The following AGPS variants were observed in gnomAD, a reference collection of about 807,000 sequenced individuals.
The protein encoded by AGPS is alkyldihydroxyacetonephosphate synthase, peroxisomal.
In AGPS, 26 loss-of-function variants were observed where a neutral mutation model predicts 90.7. The observed-to-expected ratio is 0.29, with a 90% CI of 0.21 to 0.40. AGPS has a LOEUF of 0.40. Among genes scored for constraint, AGPS ranks in the 10% least tolerant of loss-of-function variants. The probability of loss-of-function intolerance (pLI) is 1.00; values close to 1 mark genes in which losing one functional copy is unlikely to be tolerated. For synonymous variants in AGPS, 294 were observed against 285.3 expected, an observed-to-expected ratio of 1.03 and a Z score of -0.31; for missense variants, 540 against 816.1, an observed-to-expected ratio of 0.66 and a Z score of 4.12.
rs191400033 is a variant in AGPS at position 177,488,611 on chromosome 2, G to T, written c.1234-4537G>T. 3.1e-3 allele frequency among the ~76,000 whole-genome samples: 468 copies of T among 152,258 alleles called. 4 individuals are homozygous for T. Among genetic ancestry groups the T allele is most frequent in the African/African-American group, 0.011 (445 of 41,542 alleles). ...ATATGTGGTTCCTCACTTCTAGTGAGGATGTTGCATATTATGATAATTTTT... is the reference window on the plus strand; with the variant it reads ...ATATGTGGTTCCTCACTTCTAGTGATGATGTTGCATATTATGATAATTTTT... On this transcript the variant is annotated intron_variant, in intron 11 of 19. Transcript: ENST00000264167.
At chr2:177,478,655 T>C (rs1034225787) in intron 10 of AGPS, among the ~76,000 whole-genome samples, 5 of 152,180 alleles carry the variant, frequency 3.3e-5, no homozygotes, top group African/African-American at 1.2e-4. Context: ...TTCAATTATT[T>C]TGCTTTTCAA....
At chr2:177,500,266 TTC>T (rs1688520874) in intron 14 of AGPS, among the ~76,000 whole-genome samples, 1 of 152,052 alleles carries the variant, frequency 6.6e-6, no homozygotes. Context: ...GTAGGGTGGT[TTC>T]TCTCTGTCTT....
chr2:177,475,340 G>C (rs1687749922), intron 10 of AGPS, among the ~76,000 whole-genome samples: 1 of 152,110 alleles, frequency 6.6e-6, no homozygotes, highest in Non-Finnish European at 1.5e-5. Context: ...TCTGTGTTAG[G>C]GGGTAAGACA....
chr2:177,396,272 G>C (rs565439319), intron 1 of AGPS, among the ~76,000 whole-genome samples: 2 of 152,060 alleles, frequency 1.3e-5, no homozygotes, highest in African/African-American at 4.8e-5. Context: ...TGAAAGGAGG[G>C]CAGTGGCAGG....
chr2:177,406,374 A>G (rs1490397083), intron 1 of AGPS, among the ~76,000 whole-genome samples: 3 of 152,260 alleles, frequency 2.0e-5, no homozygotes, highest in African/African-American at 4.8e-5. Context: ...TATAAAAGAT[A>G]TGATGTAGCT....
chr2:177,508,107 G>C, intron 16 of AGPS, 76 bp downstream of exon 16: 1 of 1,113,182 alleles, frequency 9.0e-7, no homozygotes, highest in Non-Finnish European at 1.4e-6. Context: ...CTTTTTGTGT[G>C]AATATGTAAG....
intron 2 of AGPS, among the ~76,000 whole-genome samples, chr2:177,431,645 G>T (rs1686248064): frequency 6.6e-6 from 1 of 152,122 alleles, no homozygotes; most frequent in African/African-American, 2.4e-5. Context: ...TCCTTGCTGG[G>T]AAAATAATTC....
At chr2:177,523,639 T>G in intron 18 of AGPS, 109 bp from the exon 19 acceptor site, 1 of 907,930 alleles carries the variant, frequency 1.1e-6, no homozygotes. Flanking sequence ...GCTTCTAGTT[T>G]ATTATTTAAC....
At chr2:177,458,171 G>C (rs1220229965) in intron 8 of AGPS, among the ~76,000 whole-genome samples, 1 of 152,038 alleles carries the variant, frequency 6.6e-6, no homozygotes, top group Non-Finnish European at 1.5e-5. Flanking sequence ...AATAAACTAG[G>C]TATCGATGGA....
At chr2:177,447,680 G>A (rs1426663020) in intron 8 of AGPS, among the ~76,000 whole-genome samples, 1 of 151,556 alleles carries the variant, frequency 6.6e-6, no homozygotes, top group Non-Finnish European at 1.5e-5. Context: ...TCCCAGACTA[G>A]GAACTTCTGA....
chr2:177,443,054 ACTTT>A (rs758307422), intron 7 of AGPS, among the ~76,000 whole-genome samples: 4 of 152,046 alleles, frequency 2.6e-5, no homozygotes, highest in South Asian at 2.1e-4. Flanking sequence ...ATTTTGTCAT[ACTTT>A]CTTTATCTTT....
chr2:177,486,877 G>A (rs2364851), intron 11 of AGPS, among the ~76,000 whole-genome samples: 130,044 of 150,772 alleles, frequency 0.86, 56,313 homozygotes, highest in East Asian at 0.95. Flanking sequence ...CTTGTGAGAA[G>A]CTAGAAAGGA....
At chr2:177,403,330 T>C (rs1685381151) in intron 1 of AGPS, among the ~76,000 whole-genome samples, 2 of 152,196 alleles carry the variant, frequency 1.3e-5, no homozygotes, top group African/African-American at 4.8e-5. Flanking sequence ...TATGTCAAGA[T>C]GTTATGCAAA....
chr2:177,489,043 A>T (rs547686362), intron 11 of AGPS, among the ~76,000 whole-genome samples: 1 of 150,468 alleles, frequency 6.6e-6, no homozygotes, highest in South Asian at 2.1e-4. Flanking sequence ...AAGAGCTATG[A>T]CTTAGTTTTA....
At chr2:177,394,883 G>C (rs1397684895) in intron 1 of AGPS, among the ~76,000 whole-genome samples, 1 of 152,192 alleles carries the variant, frequency 6.6e-6, no homozygotes, top group Non-Finnish European at 1.5e-5. Context: ...AAGGCAGAGA[G>C]ACTAGGAGAC....
chr2:177,398,854 G>A (rs1685256175), intron 1 of AGPS, among the ~76,000 whole-genome samples: 1 of 152,184 alleles, frequency 6.6e-6, no homozygotes, highest in South Asian at 2.1e-4. Flanking sequence ...TGGAATGAAA[G>A]GGAATTAGGA....
At chr2:177,429,650 G>A (rs1234810453) in intron 2 of AGPS, among the ~76,000 whole-genome samples, 3 of 152,178 alleles carry the variant, frequency 2.0e-5, no homozygotes, top group Admixed American at 2.0e-4. Context: ...ATCACCAGTG[G>A]AGGCTGTGAA....
rs141806064 is a variant in AGPS at position 177,511,803 on chromosome 2, G to C, written c.1608-2016G>C. Reference sequence around the variant, plus strand: ...AACCTTTCCCTAAAAATCATTTACTGAAAGTGTCCCATTGTGGGTTATAAC... The same window carrying C: ...AACCTTTCCCTAAAAATCATTTACTCAAAGTGTCCCATTGTGGGTTATAAC... On this transcript the variant is annotated intron_variant, in intron 16 of 19. Coordinates refer to ENST00000264167, the MANE Select transcript of AGPS (RefSeq NM_003659.4). 3.1e-3 allele frequency among the ~76,000 whole-genome samples: 478 copies of C among 152,312 alleles called. 1 individual carries two copies. Among genetic ancestry groups the C allele is most frequent in the Non-Finnish European group, 5.9e-3 (403 of 68,024 alleles).
chr2:177,429,636 A>T (rs539857659), intron 2 of AGPS, among the ~76,000 whole-genome samples: 1 of 152,210 alleles, frequency 6.6e-6, no homozygotes, highest in East Asian at 1.9e-4. Context: ...CCAGACCTGG[A>T]GGTATCACCA....
Sources: allele counts gnomAD v4.1 joint callset (sites outside exome capture counted in the v4.1 genomes callset), GRCh38; gene constraint gnomAD v4.1.1; transcripts MANE v1.5; gene names NCBI Gene and HGNC (gene_info 2026-07-23, HGNC 2026-07-21).